TRPM3: variants seen among roughly 807,000 people sequenced by gnomAD.
TRPM3 encodes the protein long transient receptor potential channel 3.
Under a neutral mutation model 181.2 loss-of-function variants are expected in TRPM3, and 77 were observed. The ratio of observed to expected loss-of-function variants is 0.42; its 90% CI spans 0.35 to 0.51. TRPM3 has a LOEUF of 0.51. Ranked by LOEUF, TRPM3 falls within the 20% of genes least tolerant of loss-of-function variation. The pLI, the probability that TRPM3 is intolerant of heterozygous loss-of-function variation, is 0.01. For missense variants in TRPM3, 1,759 were observed against 2,196.7 expected (o/e 0.80, Z 3.98); for synonymous variants, 745 against 796.4 (o/e 0.94, Z 1.09).
intron 1 of TRPM3, among the ~76,000 whole-genome samples, chr9:71,427,777 C>A (rs1336248034): frequency 6.6e-6 from 1 of 151,958 alleles, no homozygotes; most frequent in African/African-American, 2.4e-5. Context: ...AGGCAGGGGG[C>A]CAGGGTTGAA....
At chr9:71,268,379 CA>C (rs774246322) in intron 1 of TRPM3, among the ~76,000 whole-genome samples, 1 of 151,388 alleles carries the variant, frequency 6.6e-6, no homozygotes, top group Non-Finnish European at 1.5e-5. Flanking sequence ...GACTCTGTCT[CA>C]AAAAATAATA....
intron 1 of TRPM3, among the ~76,000 whole-genome samples, chr9:71,250,744 A>G (rs989923): frequency 0.7 from 107,040 of 152,066 alleles, 37,955 homozygotes; most frequent in African/African-American, 0.78. Flanking sequence ...CAGGAGCCAG[A>G]AGCAGAGGGA....
At chr9:71,364,840 A>G (rs2092281432) in intron 1 of TRPM3, among the ~76,000 whole-genome samples, 1 of 152,240 alleles carries the variant, frequency 6.6e-6, no homozygotes, top group African/African-American at 2.4e-5. Flanking sequence ...ATTTACTGAT[A>G]CACAAGAATA....
intron 22 of TRPM3, among the ~76,000 whole-genome samples, chr9:70,569,249 C>T (rs1450275307): frequency 1.3e-5 from 2 of 152,168 alleles, no homozygotes; most frequent in African/African-American, 4.8e-5. Context: ...CTCCATTTCA[C>T]TAGACAGCAT....
At chr9:71,066,476 C>T (rs2061937900) in intron 1 of TRPM3, among the ~76,000 whole-genome samples, 1 of 152,098 alleles carries the variant, frequency 6.6e-6, no homozygotes, top group Non-Finnish European at 1.5e-5. Flanking sequence ...TCTTCCCGGT[C>T]ATAAATAATG....
intron 1 of TRPM3, among the ~76,000 whole-genome samples, chr9:70,935,583 G>A (rs2096821405): frequency 1.3e-5 from 2 of 152,158 alleles, no homozygotes; most frequent in African/African-American, 2.4e-5. Context: ...TGTTATCTAT[G>A]ACCTTTTGGT....
At chr9:70,887,952 C>T (rs1040599453) in intron 1 of TRPM3, among the ~76,000 whole-genome samples, 2 of 152,180 alleles carry the variant, frequency 1.3e-5, no homozygotes, top group African/African-American at 4.8e-5. Context: ...CCTAATTGGT[C>T]AACTGGACCA....
intron 5 of TRPM3, among the ~76,000 whole-genome samples, chr9:70,837,385 A>G (rs748031151): frequency 6.6e-6 from 1 of 152,218 alleles, no homozygotes; most frequent in Admixed American, 6.5e-5. Context: ...AAATAAATCT[A>G]TAGTTTAGGG....
At chr9:70,771,822 T>C (rs2080329878) in intron 7 of TRPM3, among the ~76,000 whole-genome samples, 1 of 152,214 alleles carries the variant, frequency 6.6e-6, no homozygotes, top group Admixed American at 6.5e-5. Flanking sequence ...CTCTGCTTTC[T>C]TACCCCATAG....
intron 1 of TRPM3, among the ~76,000 whole-genome samples, chr9:71,205,065 G>A (rs941179031): frequency 6.6e-6 from 1 of 151,994 alleles, no homozygotes; most frequent in Non-Finnish European, 1.5e-5. Context: ...GCCTGTTGTG[G>A]GGTGGGGGGA....
At chr9:70,602,628 G>A (rs1043415538) in intron 20 of TRPM3, among the ~76,000 whole-genome samples, 9 of 152,178 alleles carry the variant, frequency 5.9e-5, no homozygotes, top group African/African-American at 1.9e-4. Context: ...AACATTGAGT[G>A]GGGCTGCAGA....
chr9:70,686,693 C>CTTT, intron 8 of TRPM3, among the ~76,000 whole-genome samples: 13 of 57,804 alleles, frequency 2.2e-4, no homozygotes, highest in African/African-American at 8.7e-4. Context: ...TTCTTTCCTT[C>CTTT]CTTCCTTCCT....
intron 1 of TRPM3, among the ~76,000 whole-genome samples, chr9:70,913,136 G>T (rs1423274509): frequency 6.6e-6 from 1 of 152,124 alleles, no homozygotes; most frequent in Non-Finnish European, 1.5e-5. Context: ...ACCCAAAATA[G>T]TAGATACAAC....
chr9:70,782,095 AAAGT>A (rs1444412061), intron 7 of TRPM3, among the ~76,000 whole-genome samples: 8 of 152,342 alleles, frequency 5.3e-5, no homozygotes, highest in Non-Finnish European at 1.2e-4. Context: ...TGCAAACTAA[AAAGT>A]AAGAAAAAAG....
At chr9:71,392,347 G>C (rs1280077313) in intron 1 of TRPM3, among the ~76,000 whole-genome samples, 1 of 152,058 alleles carries the variant, frequency 6.6e-6, no homozygotes, top group Non-Finnish European at 1.5e-5. Flanking sequence ...TGTCAGACAA[G>C]AAAGCCTAGG....
chr9:70,972,082 G>A (rs1482777713), intron 1 of TRPM3, among the ~76,000 whole-genome samples: 2 of 152,042 alleles, frequency 1.3e-5, no homozygotes, highest in African/African-American at 4.8e-5. Context: ...TCTTTTCCGA[G>A]GCATATATCT....
At chr9:71,077,690 GC>G (rs1360931713) in intron 1 of TRPM3, among the ~76,000 whole-genome samples, 1 of 152,012 alleles carries the variant, frequency 6.6e-6, no homozygotes, top group Middle Eastern at 3.2e-3. Flanking sequence ...CCCACACTCT[GC>G]CCGCACTAGT....
chr9:71,106,344 C>A (rs2069562415), intron 1 of TRPM3, among the ~76,000 whole-genome samples: 1 of 152,082 alleles, frequency 6.6e-6, no homozygotes, highest in Non-Finnish European at 1.5e-5. Flanking sequence ...GTCATGAGGG[C>A]AGATCCCTCG....
intron 6 of TRPM3, among the ~76,000 whole-genome samples, chr9:70,821,269 C>T (rs958332771): frequency 6.6e-6 from 1 of 152,132 alleles, no homozygotes; most frequent in African/African-American, 2.4e-5. Flanking sequence ...AAATGATACG[C>T]TGTCTGGATT....
Sources: allele counts gnomAD v4.1 joint callset (sites outside exome capture counted in the v4.1 genomes callset), GRCh38; gene constraint gnomAD v4.1.1; transcripts MANE v1.5; gene names NCBI Gene and HGNC (gene_info 2026-07-23, HGNC 2026-07-21).